Variants in ARHGAP10 observed in about 807,000 individuals in gnomAD.
ARHGAP10 encodes Rho GTPase activating protein 10, also known as rho GTPase-activating protein 10.
In ARHGAP10, 87 loss-of-function variants were observed where a neutral mutation model predicts 108.6. That is an observed-to-expected ratio of 0.80 (90% CI 0.67 to 0.96). The LOEUF is 0.96. Among genes scored for constraint, ARHGAP10 ranks in the 40% least tolerant of loss-of-function variants. The probability of loss-of-function intolerance (pLI) is 0.00; values close to 1 mark genes in which losing one functional copy is unlikely to be tolerated. For missense variants in ARHGAP10, 939 were observed against 954.5 expected (o/e 0.98, Z 0.21); for synonymous variants, 347 against 341.1 (o/e 1.02, Z -0.19).
chr4:147,913,058 AAAC>A lies in ARHGAP10; in HGVS notation c.1163-15_1163-13del, dbSNP rs745996013. 2 of 1,606,446 alleles carry A rather than the reference AAAC, an allele frequency of 1.2e-6. No homozygotes were observed. The highest frequency in any genetic ancestry group is 1.7e-6 in the Non-Finnish European group (2 of 1,173,190). ...ATAATAATTGTACACTTAATGTTTTAAACTGTTTCTTGTAGATGCACAGTTGGA... is the reference window on the plus strand; with the variant it reads ...ATAATAATTGTACACTTAATGTTTTATGTTTCTTGTAGATGCACAGTTGGA... On this transcript the variant is annotated splice_polypyrimidine_tract_variant and intron_variant, in intron 12 of 22. Coordinates refer to ENST00000336498, the MANE Select transcript of ARHGAP10 (RefSeq NM_024605.4).
chr4:147,873,681 AACACACACACACACAC>A (rs67852364), intron 7 of ARHGAP10, among the ~76,000 whole-genome samples: 6 of 98,748 alleles, frequency 6.1e-5, no homozygotes, highest in East Asian at 3.4e-4. Context: ...CAAAAAACAA[AACACACACACACACAC>A]ACACACACAC....
At position 147,732,167 on chromosome 4, in the gene ARHGAP10, G is replaced by A. The variant is rs1241742724; in HGVS notation, c.-135G>A. Reference sequence around the variant, plus strand: ...CGGCTCTACGGGACATGTCCGTGCCGCGCTCGCCGCGCGCCCGGGCCTGCT... The same window carrying A: ...CGGCTCTACGGGACATGTCCGTGCCACGCTCGCCGCGCGCCCGGGCCTGCT... On this transcript the variant is annotated 5_prime_UTR_variant, in exon 1 of 23. Coordinates refer to ENST00000336498, the MANE Select transcript of ARHGAP10 (RefSeq NM_024605.4). 2.4e-6 allele frequency: 2 copies of A among 826,852 alleles called. No individual in the cohort carries two copies. The highest frequency in any genetic ancestry group is 1.8e-5 in the African/African-American group (1 of 54,676). 51.2% of individuals were successfully genotyped at this position (826,852 alleles called of 1,614,324 possible).
chr4:147,923,659 A>G (rs769026255), intron 13 of ARHGAP10, among the ~76,000 whole-genome samples: 9 of 152,208 alleles, frequency 5.9e-5, no homozygotes, highest in Admixed American at 1.3e-4. Flanking sequence ...AGATTTGACA[A>G]TCTTTCATTT....
At chr4:147,771,343 CAGTA>C (rs1730071480) in intron 1 of ARHGAP10, among the ~76,000 whole-genome samples, 1 of 152,092 alleles carries the variant, frequency 6.6e-6, no homozygotes, top group African/African-American at 2.4e-5. Context: ...TGTGGGTACA[CAGTA>C]GGTATATATA....
intron 4 of ARHGAP10, among the ~76,000 whole-genome samples, chr4:147,850,746 A>T (rs906832190): frequency 6.6e-6 from 1 of 152,140 alleles, no homozygotes; most frequent in African/African-American, 2.4e-5. Flanking sequence ...TCTGGACACA[A>T]CAGGACACAG....
At chr4:147,969,345 T>TTTTG (rs761497318) in intron 18 of ARHGAP10, among the ~76,000 whole-genome samples, 4,122 of 128,280 alleles carry the variant, frequency 0.032, 50 homozygotes, top group African/African-American at 0.043. Flanking sequence ...TTTTTTTTTT[T>TTTTG]GCCAGTGGTG....
chr4:147,794,819 A>G (rs1394792483), intron 1 of ARHGAP10, among the ~76,000 whole-genome samples: 5 of 152,204 alleles, frequency 3.3e-5, no homozygotes, highest in Admixed American at 3.3e-4. Context: ...TTTTTGAAAC[A>G]TGATTTTAAT....
At chr4:147,734,210 G>C (rs1166400590) in intron 1 of ARHGAP10, among the ~76,000 whole-genome samples, 1 of 152,036 alleles carries the variant, frequency 6.6e-6, no homozygotes, top group Non-Finnish European at 1.5e-5. Context: ...AGAGGCAGAG[G>C]GCAAAGCCAG....
intron 16 of ARHGAP10, among the ~76,000 whole-genome samples, chr4:147,957,551 C>G (rs1402156454): frequency 6.6e-6 from 1 of 152,186 alleles, no homozygotes; most frequent in Non-Finnish European, 1.5e-5. Context: ...GTTAGCTGAG[C>G]TGACTGCTAA....
At position 147,965,044 on chromosome 4, in the gene ARHGAP10, C is replaced by A; in HGVS notation, c.1471C>A (p.Arg491Ser). 6.3e-7 allele frequency: 1 copy of A among 1,580,262 alleles called. No individual in the cohort carries two copies. The highest frequency in any genetic ancestry group is 8.6e-7 in the Non-Finnish European group (1 of 1,165,524). The change falls in exon 17 of 23, where the codon CGT (arginine) becomes AGT (serine). Residue 491 changes from arginine (R) to serine (S), a missense_variant. Coordinates refer to ENST00000336498, the MANE Select transcript of ARHGAP10 (RefSeq NM_024605.4). ...VPAKSGSPES[R>S]VNAIHFLVHK... ...GGAAGAAAGCGGCAGCCCAGAATCTCGTGTTAATGCGATCCATTTCTTGGT... is the reference window on the plus strand; with the variant it reads ...GGAAGAAAGCGGCAGCCCAGAATCTAGTGTTAATGCGATCCATTTCTTGGT...
chr4:147,783,173 A>G (rs1437966925), intron 1 of ARHGAP10, among the ~76,000 whole-genome samples: 1 of 128,366 alleles, frequency 7.8e-6, no homozygotes, highest in East Asian at 2.2e-4. Context: ...AATTTATATA[A>G]CACATTAAAT....
At chr4:147,961,874 C>T (rs983594973) in intron 16 of ARHGAP10, among the ~76,000 whole-genome samples, 1 of 152,168 alleles carries the variant, frequency 6.6e-6, no homozygotes, top group Non-Finnish European at 1.5e-5. Context: ...CTCCCTGGTC[C>T]TCCCACCTCT....
intron 18 of ARHGAP10, among the ~76,000 whole-genome samples, chr4:147,992,228 C>T (rs1408666921): frequency 6.6e-6 from 1 of 152,144 alleles, no homozygotes; most frequent in Non-Finnish European, 1.5e-5. Flanking sequence ...TGATTGCATG[C>T]TGTCGTTCGG....
At chr4:147,835,198 C>T (rs1579097836) in intron 3 of ARHGAP10, among the ~76,000 whole-genome samples, 3 of 152,210 alleles carry the variant, frequency 2.0e-5, no homozygotes, top group South Asian at 2.1e-4. Context: ...AGCTAGTGGC[C>T]GCCTGGTAGA....
At chr4:147,799,589 T>G (rs1002335380) in intron 1 of ARHGAP10, among the ~76,000 whole-genome samples, 14 of 152,194 alleles carry the variant, frequency 9.2e-5, no homozygotes, top group African/African-American at 3.4e-4. Flanking sequence ...TATCCTGTCA[T>G]TTTCATCCTA....
intron 1 of ARHGAP10, among the ~76,000 whole-genome samples, chr4:147,776,760 G>T (rs1292411059): frequency 6.6e-6 from 1 of 152,218 alleles, no homozygotes; most frequent in Non-Finnish European, 1.5e-5. Flanking sequence ...TCGCTCATGG[G>T]GCAGCATTGG....
intron 18 of ARHGAP10, among the ~76,000 whole-genome samples, chr4:148,015,082 C>A (rs1741298974): frequency 1.3e-5 from 2 of 152,124 alleles, no homozygotes; most frequent in Non-Finnish European, 2.9e-5. Flanking sequence ...TCTCTAGTCT[C>A]CTGTGACATG....
intron 13 of ARHGAP10, among the ~76,000 whole-genome samples, chr4:147,929,548 A>G (rs550279217): frequency 8.5e-5 from 13 of 152,218 alleles, no homozygotes; most frequent in Non-Finnish European, 1.5e-4. Flanking sequence ...TTTAAACATT[A>G]GTGCTTACTG....
At chr4:147,837,180 G>T (rs1270097022) in intron 3 of ARHGAP10, among the ~76,000 whole-genome samples, 2 of 152,086 alleles carry the variant, frequency 1.3e-5, no homozygotes, top group African/African-American at 2.4e-5. Flanking sequence ...GCCGGGGGAG[G>T]CTGGATAGAT....
Sources: allele counts gnomAD v4.1 joint callset (sites outside exome capture counted in the v4.1 genomes callset), GRCh38; gene constraint gnomAD v4.1.1; transcripts MANE v1.5; gene names NCBI Gene and HGNC (gene_info 2026-07-23, HGNC 2026-07-21).